Variants in HEATR1 observed in about 807,000 individuals in gnomAD.
HEATR1 encodes the protein HEAT repeat containing 1.
Under a neutral mutation model 248.2 loss-of-function variants are expected in HEATR1, and 77 were observed. The ratio of observed to expected loss-of-function variants is 0.31; its 90% CI spans 0.26 to 0.37. The LOEUF is 0.37. Ranked by LOEUF, HEATR1 falls within the 10% of genes least tolerant of loss-of-function variation. The pLI is 1.00. For synonymous variants in HEATR1, 897 were observed against 923.1 expected (o/e 0.97, Z 0.51); for missense variants, 2,420 against 2,504.9 (o/e 0.97, Z 0.72).
chr1:236,574,623 A>G (rs758848830), intron 23 of HEATR1, 38 bp downstream of exon 23: 7 of 1,580,148 alleles, frequency 4.4e-6, no homozygotes, highest in Non-Finnish European at 4.3e-6. Flanking sequence ...TAAATGCTTG[A>G]ACATGCTATG....
chr1:236,589,823 T>G (rs936555791), intron 12 of HEATR1, among the ~76,000 whole-genome samples: 2 of 152,194 alleles, frequency 1.3e-5, no homozygotes, highest in African/African-American at 4.8e-5. Context: ...ATAGTAACTA[T>G]AGTAAAATGC....
Position 236,595,557 on chromosome 1 carries a change from A to G in HEATR1, c.1073T>C (p.Ile358Thr). 1 of 1,612,044 alleles carries G rather than the reference A, an allele frequency of 6.2e-7. No homozygotes were observed. The highest frequency in any genetic ancestry group is 8.5e-7 in the Non-Finnish European group (1 of 1,178,874). The part of the protein sequence containing the change: ...HYMLPHLVVS[I>T]IHHVTGEETE... ...CCACACACCTGTAACATGATGAATGATGGAGACGACCAGATGGGGAAGCAT... is the reference window on the plus strand; with the variant it reads ...CCACACACCTGTAACATGATGAATGGTGGAGACGACCAGATGGGGAAGCAT... Residue 358 changes from isoleucine to threonine, a missense_variant, in exon 8 of 45, where the codon ATC (isoleucine) becomes ACC (threonine). Transcript: ENST00000366582.
intron 32 of HEATR1, among the ~76,000 whole-genome samples, chr1:236,563,888 G>T (rs568883974): frequency 6.6e-6 from 1 of 152,332 alleles, no homozygotes; most frequent in South Asian, 2.1e-4. Context: ...CTCGAGTTGG[G>T]AGGATCGCTT....
chr1:236,550,840 A>G lies in HEATR1; in HGVS notation c.*62T>C. The G allele has an allele frequency of 7.4e-7, 1 of 1,351,046 alleles. No individual in the cohort carries two copies. The highest frequency in any genetic ancestry group is 1.0e-6 in the Non-Finnish European group (1 of 974,980). 83.7% of individuals were successfully genotyped at this position (1,351,046 alleles called of 1,614,324 possible). On this transcript the variant is annotated 3_prime_UTR_variant, in exon 45 of 45. Transcript: ENST00000366582. Reference sequence around the variant, plus strand: ...AAAGTAACATGGCACCCAACACCCAAAAATAAAAATATGAAATATGAGTGT... The same window carrying G: ...AAAGTAACATGGCACCCAACACCCAGAAATAAAAATATGAAATATGAGTGT...
intron 17 of HEATR1, 44 bp downstream of exon 17, chr1:236,584,981 G>A (rs1241363982): frequency 6.5e-7 from 1 of 1,543,970 alleles, no homozygotes; most frequent in Admixed American, 1.9e-5. Flanking sequence ...CCAGGCTGTT[G>A]TTTTATTCAA....
At chr1:236,585,351 T>A in intron 16 of HEATR1, 135 bp from the exon 17 acceptor site, 2 of 606,682 alleles carry the variant, frequency 3.3e-6, no homozygotes, top group South Asian at 3.1e-5. Flanking sequence ...TATAAAGTAC[T>A]AAGCACTGAT....
intron 34 of HEATR1, among the ~76,000 whole-genome samples, chr1:236,559,414 T>C (rs1663062868): frequency 6.6e-6 from 1 of 152,342 alleles, no homozygotes; most frequent in Admixed American, 6.5e-5. Context: ...AGGCCAGTGA[T>C]ATGTATGTAA....
chr1:236,579,455 T>G (rs1360040614), intron 20 of HEATR1, among the ~76,000 whole-genome samples: 1 of 152,204 alleles, frequency 6.6e-6, no homozygotes. Flanking sequence ...AATAGTTATC[T>G]CTAAATAAAA....
intron 22 of HEATR1, 121 bp from the exon 23 acceptor site, chr1:236,575,024 G>T: frequency 1.1e-6 from 1 of 870,982 alleles, no homozygotes; most frequent in Non-Finnish European, 1.7e-6. Context: ...AAAACCCAAT[G>T]ATGGTAACTT....
chr1:236,585,376 A>AATT (rs2103145581), intron 16 of HEATR1, among the ~76,000 whole-genome samples, 160 bp from the exon 17 acceptor site: 1 of 152,348 alleles, frequency 6.6e-6, no homozygotes, highest in Non-Finnish European at 1.5e-5. Context: ...AAGTAATTAT[A>AATT]AGAATAATTT....
At chr1:236,557,388 C>T (rs1285484696) in intron 36 of HEATR1, 43 bp from the exon 37 acceptor site, 6 of 1,606,396 alleles carry the variant, frequency 3.7e-6, no homozygotes, top group East Asian at 2.2e-5. Context: ...GAAGCAGAAA[C>T]AGAGGCTAGG....
chr1:236,574,921 T>C lies in HEATR1; in HGVS notation c.3085-18A>G, dbSNP rs755937174. The stretch of plus-strand genomic sequence containing the variant: ...AGCACCATCTAAAGATCCAAAGACT[T>C]AGTAGTAAATAGTTATGTATACTGA... On this transcript the variant is annotated intron_variant, in intron 22 of 44. Coordinates refer to ENST00000366582, the MANE Select transcript of HEATR1 (RefSeq NM_018072.6). The C allele has an allele frequency of 1.1e-5, 18 of 1,607,590 alleles. No homozygotes were observed. The highest frequency in any genetic ancestry group is 3.4e-5 in the Admixed American group (2 of 58,978).
At chr1:236,603,674 C>T (rs1357979207) in intron 2 of HEATR1, among the ~76,000 whole-genome samples, 1 of 151,186 alleles carries the variant, frequency 6.6e-6, no homozygotes, top group African/African-American at 2.4e-5. Flanking sequence ...CCAGTCACTG[C>T]CTCCATCCCC....
intron 32 of HEATR1, 75 bp downstream of exon 32, chr1:236,564,423 A>G: frequency 7.7e-7 from 1 of 1,302,774 alleles, no homozygotes; most frequent in Non-Finnish European, 1.1e-6. Context: ...TTACCAAGCT[A>G]CTTCTACTGG....
intron 36 of HEATR1, 141 bp from the exon 37 acceptor site, chr1:236,557,486 T>C: frequency 1.3e-6 from 1 of 796,024 alleles, no homozygotes; most frequent in Non-Finnish European, 2.0e-6. Flanking sequence ...GCAGTGTCTA[T>C]ACATTTTATG....
intron 28 of HEATR1, among the ~76,000 whole-genome samples, chr1:236,570,245 C>T (rs189792361): frequency 9.2e-5 from 14 of 152,242 alleles, no homozygotes; most frequent in South Asian, 2.1e-4. Flanking sequence ...GCTGAGATCG[C>T]GCCACTGCAC....
At chr1:236,557,132 C>A in intron 37 of HEATR1, 63 bp downstream of exon 37, 2 of 1,533,990 alleles carry the variant, frequency 1.3e-6, no homozygotes, top group Non-Finnish European at 1.8e-6. Flanking sequence ...AAAATCACTA[C>A]ATTTGTGATC....
intron 32 of HEATR1, 100 bp from the exon 33 acceptor site, chr1:236,561,371 C>T: frequency 1.2e-6 from 1 of 842,374 alleles, no homozygotes; most frequent in African/African-American, 1.7e-5. Flanking sequence ...CTGAAACCTT[C>T]CACAGCAACT....
intron 41 of HEATR1, 29 bp downstream of exon 41, chr1:236,555,267 G>T: frequency 6.2e-7 from 1 of 1,610,316 alleles, no homozygotes; most frequent in Non-Finnish European, 8.5e-7. Flanking sequence ...CAGGGCAAGG[G>T]TGACAGCTGA....
Sources: gnomAD v4.1 joint callset for allele counts (sites outside exome capture counted in the v4.1 genomes callset) on GRCh38, gnomAD v4.1.1 for gene constraint, MANE v1.5 for transcripts, NCBI Gene and HGNC (gene_info 2026-07-23, HGNC 2026-07-21) for gene names.